Variants in CRB1 observed in about 807,000 individuals in gnomAD.
The protein encoded by CRB1 is crumbs cell polarity complex component 1.
CRB1 carries 83 observed loss-of-function variants against 120.0 expected under a neutral mutation model. The observed-to-expected ratio is 0.69, with a 90% CI of 0.58 to 0.83. The LOEUF is 0.83. CRB1 is among the 40% of genes least tolerant of loss of function. CRB1 has a pLI of 0.00. For missense variants in CRB1, 1,699 were observed against 1,687.6 expected, an observed-to-expected ratio of 1.01 and a Z score of -0.12; for synonymous variants, 625 against 612.5, an observed-to-expected ratio of 1.02 and a Z score of -0.30.
chr1:197,222,285 T>C, the CRB1 span: 1 of 621,184 alleles, frequency 1.6e-6, no homozygotes. Context: ...GTTTAGTTCT[T>C]GGTCTGTTAT....
intron 5 of CRB1, among the ~76,000 whole-genome samples, chr1:197,405,043 TC>T: frequency 6.6e-6 from 1 of 151,596 alleles, no homozygotes. Flanking sequence ...GTGCTCGCCC[TC>T]GCCCTCTCCC....
the CRB1 span, among the ~76,000 whole-genome samples, chr1:197,204,432 C>G: frequency 2.0e-5 from 3 of 152,158 alleles, no homozygotes; most frequent in Non-Finnish European, 2.9e-5. Context: ...CATGTCCCAG[C>G]CAACATCTAT....
At chr1:197,304,842 T>C (rs879829506) in intron 1 of CRB1, among the ~76,000 whole-genome samples, 2 of 152,202 alleles carry the variant, frequency 1.3e-5, no homozygotes, top group Non-Finnish European at 2.9e-5. Context: ...TCACCAGTGT[T>C]CATTCACTTG....
chr1:197,201,634 C>A, the CRB1 span, among the ~76,000 whole-genome samples: 1 of 152,154 alleles, frequency 6.6e-6, no homozygotes, highest in Non-Finnish European at 1.5e-5. Context: ...GGAGGATGGA[C>A]GCAGAGTTTA....
In CRB1 at chr1:197,453,524, G is replaced by GTATATATATA. The variant is rs1195905915; in HGVS notation, c.4005+11239_4005+11248dup. On this transcript the variant is annotated intron_variant, in intron 11 of 11. Coordinates refer to ENST00000367400, the MANE Select transcript of CRB1 (RefSeq NM_201253.3). ...TATGTGTATATATATGTGTGTGTGT[G>GTATATATATA]TATATATATATATATAGAGAGAGAG... Among the ~76,000 whole-genome samples the GTATATATATA allele has an allele frequency of 1.3e-3, 164 of 123,694 alleles. 1 individual carries two copies. The highest frequency in any genetic ancestry group is 4.6e-3 in the African/African-American group (157 of 33,922). 81.1% of individuals were successfully genotyped at this position (123,694 alleles called of 152,430 possible).
intron 8 of CRB1, 101 bp from the exon 9 acceptor site, chr1:197,434,605 A>G: frequency 9.4e-7 from 1 of 1,059,892 alleles, no homozygotes; most frequent in South Asian, 1.3e-5. Flanking sequence ...AATAGTCAAT[A>G]TGCAATGTTA....
chr1:197,251,090 T>G, the CRB1 span, among the ~76,000 whole-genome samples: 1 of 151,984 alleles, frequency 6.6e-6, no homozygotes, highest in Non-Finnish European at 1.5e-5. Flanking sequence ...TTTGGAGAGA[T>G]AATAAAACAC....
chr1:197,328,439 A>T lies in CRB1; in HGVS notation c.88A>T (p.Asn30Tyr). 1 of 1,613,782 alleles carries T rather than the reference A, an allele frequency of 6.2e-7. No homozygotes were observed. Among genetic ancestry groups the T allele is most frequent in the Non-Finnish European group, 8.5e-7 (1 of 1,179,684 alleles). Reference protein sequence around the residue: ...IYIKNSFCNKNNTRCLSNSCQ... With the variant: ...IYIKNSFCNKYNTRCLSNSCQ... ...CCTTGTAGATTCCTTTTGCAATAAA[A>T]ACAACACCAGGTGCCTCTCAAATTC... The change falls in exon 2 of 12, where the codon AAC becomes TAC. Residue 30 changes from asparagine (N) to tyrosine (Y), a missense_variant. Coordinates refer to ENST00000367400, the MANE Select transcript of CRB1 (RefSeq NM_201253.3).
rs774789807 is a variant in CRB1, at chr1:197,369,084, C to T, written c.1171+12071C>T. Among the ~76,000 whole-genome samples, 12 of 152,074 alleles carry T rather than the reference C, an allele frequency of 7.9e-5. No individual in the cohort carries two copies. The South Asian group carries it at 1.0e-3, about 13-fold the overall frequency. ...GTTGTCCTCACAGTAGACCATCCTG[C>T]GAGCTCTCATATGACGTGGTCTAGT... is the stretch of plus-strand genomic sequence containing the variant. On this transcript the variant is annotated intron_variant, in intron 5 of 11. Coordinates refer to ENST00000367400, the MANE Select transcript of CRB1 (RefSeq NM_201253.3).
the CRB1 span, among the ~76,000 whole-genome samples, chr1:197,213,885 A>G: frequency 1.5e-4 from 23 of 152,306 alleles, no homozygotes; most frequent in African/African-American, 5.5e-4. Context: ...CAGCAAAAGC[A>G]GTTCTAAGAG....
intron 5 of CRB1, among the ~76,000 whole-genome samples, chr1:197,366,773 C>T (rs1661100219): frequency 1.3e-5 from 2 of 152,118 alleles, no homozygotes; most frequent in Non-Finnish European, 2.9e-5. Context: ...AAGCAAGTTA[C>T]CATGGCCCAG....
At chr1:197,240,412 C>A in the CRB1 span, among the ~76,000 whole-genome samples, 898 of 152,246 alleles carry the variant, frequency 5.9e-3, 9 homozygotes, top group African/African-American at 0.018. Context: ...GTTCCCCTCC[C>A]TGTGTCCATG....
intron 11 of CRB1, among the ~76,000 whole-genome samples, chr1:197,454,064 A>T (rs1281159923): frequency 6.7e-6 from 1 of 150,258 alleles, no homozygotes; most frequent in Non-Finnish European, 1.5e-5. Context: ...AGGCTCAAGC[A>T]ATCCTCCTGC....
At chr1:197,451,136 T>G (rs984538843) in intron 11 of CRB1, among the ~76,000 whole-genome samples, 8 of 152,176 alleles carry the variant, frequency 5.3e-5, no homozygotes, top group Non-Finnish European at 1.0e-4. Context: ...CAATAGAATC[T>G]GAATGACCGT....
the CRB1 span, among the ~76,000 whole-genome samples, chr1:197,258,864 A>G: frequency 6.6e-6 from 1 of 152,248 alleles, no homozygotes; most frequent in Non-Finnish European, 1.5e-5. Flanking sequence ...GAAACGTTTT[A>G]GAGAGCATCT....
intron 1 of CRB1, among the ~76,000 whole-genome samples, chr1:197,269,925 A>G (rs919265077): frequency 2.0e-5 from 3 of 152,200 alleles, no homozygotes; most frequent in African/African-American, 7.2e-5. Flanking sequence ...GTTCTCCAGC[A>G]TAGTATTTTT....
chr1:197,299,045 T>C (rs1332866132), intron 1 of CRB1, among the ~76,000 whole-genome samples: 1 of 152,042 alleles, frequency 6.6e-6, no homozygotes, highest in African/African-American at 2.4e-5. Flanking sequence ...AAAAATACTG[T>C]AAGTAATGTA....
At chr1:197,346,770 A>G (rs1001209406) in intron 3 of CRB1, among the ~76,000 whole-genome samples, 2 of 152,260 alleles carry the variant, frequency 1.3e-5, no homozygotes, top group African/African-American at 2.4e-5. Context: ...AATTAGAAAT[A>G]GTAAGGCCTA....
At chr1:197,242,816 G>A in the CRB1 span, among the ~76,000 whole-genome samples, 1 of 151,988 alleles carries the variant, frequency 6.6e-6, no homozygotes, top group Admixed American at 6.6e-5. Flanking sequence ...GCTTTTTTTG[G>A]TTGGTAGGTT....
Sources: gnomAD v4.1 joint callset for allele counts (sites outside exome capture counted in the v4.1 genomes callset) on GRCh38, gnomAD v4.1.1 for gene constraint, MANE v1.5 for transcripts, NCBI Gene and HGNC (gene_info 2026-07-23, HGNC 2026-07-21) for gene names.